The following CNTNAP5 variants were observed in gnomAD, a reference collection of about 807,000 sequenced individuals.
CNTNAP5 encodes the protein contactin associated protein family member 5, also known as contactin-associated protein-like 5.
In CNTNAP5, 72 loss-of-function variants were observed where a neutral mutation model predicts 150.2. The observed-to-expected ratio is 0.48, with a 90% CI of 0.40 to 0.58. The LOEUF (loss-of-function observed/expected upper bound fraction) is 0.58. CNTNAP5 is among the 20% of genes least tolerant of loss of function. The pLI, the probability that CNTNAP5 is intolerant of heterozygous loss-of-function variation, is 0.00. For missense variants in CNTNAP5, 1,636 were observed against 1,626.2 expected, an observed-to-expected ratio of 1.01 and a Z score of -0.10; for synonymous variants, 672 against 619.8, an observed-to-expected ratio of 1.08 and a Z score of -1.25.
intron 2 of CNTNAP5, among the ~76,000 whole-genome samples, chr2:124,235,249 A>T (rs1022107123): frequency 6.6e-6 from 1 of 152,140 alleles, no homozygotes; most frequent in Non-Finnish European, 1.5e-5. Flanking sequence ...CTCCCAGGCA[A>T]GAAGGCTTCT....
intron 6 of CNTNAP5, among the ~76,000 whole-genome samples, chr2:124,469,341 C>T (rs945988186): frequency 2.6e-5 from 4 of 152,058 alleles, no homozygotes; most frequent in African/African-American, 7.2e-5. Context: ...TTTTTACTAA[C>T]ATTTTCCTGC....
At chr2:124,855,167 C>CTTTTTTTTTT (rs70999224) in intron 19 of CNTNAP5, among the ~76,000 whole-genome samples, 1 of 71,478 alleles carries the variant, frequency 1.4e-5, no homozygotes, top group East Asian at 7.9e-4. Context: ...TGGGCTTTTG[C>CTTTTTTTTTT]TTTTTTTTTT....
chr2:124,607,086 G>A lies in CNTNAP5; in HGVS notation c.1757-2715G>A, dbSNP rs12328136. ...GGGAGGCTCTTTTTGAGTTACTGTA[G>A]TCTAATGAGACAATTTATACTTCGA... On this transcript the variant is annotated intron_variant, in intron 11 of 23. Coordinates refer to ENST00000682447, the MANE Select transcript of CNTNAP5 (RefSeq NM_001367498.1). Among the ~76,000 whole-genome samples, 205 of 152,208 alleles carry A rather than the reference G, an allele frequency of 1.3e-3. 1 individual carries two copies. The highest frequency in any genetic ancestry group is 4.8e-3 in the African/African-American group (201 of 41,534).
intron 5 of CNTNAP5, among the ~76,000 whole-genome samples, chr2:124,437,023 C>T (rs894969718): frequency 1.3e-5 from 2 of 152,136 alleles, no homozygotes; most frequent in Admixed American, 6.6e-5. Context: ...CTCATTACAG[C>T]TAGAAGATCT....
chr2:124,107,600 TTTAG>T, intron 1 of CNTNAP5, among the ~76,000 whole-genome samples: 1 of 152,328 alleles, frequency 6.6e-6, no homozygotes, highest in Non-Finnish European at 1.5e-5. Context: ...AAGTTATGCT[TTTAG>T]TTAATCAAAT....
At chr2:124,633,829 C>T (rs57375787) in intron 12 of CNTNAP5, among the ~76,000 whole-genome samples, 1,826 of 152,312 alleles carry the variant, frequency 0.012, 30 homozygotes, top group African/African-American at 0.041. Flanking sequence ...TCAGACTTAA[C>T]ACCACCTGGA....
At chr2:124,188,804 A>G (rs1252032930) in intron 1 of CNTNAP5, among the ~76,000 whole-genome samples, 2 of 151,630 alleles carry the variant, frequency 1.3e-5, no homozygotes, top group Non-Finnish European at 2.9e-5. Context: ...AGAATTAGAG[A>G]CGGAGGGTTA....
intron 1 of CNTNAP5, among the ~76,000 whole-genome samples, chr2:124,177,120 C>T (rs1353869413): frequency 6.6e-6 from 1 of 151,998 alleles, no homozygotes; most frequent in Admixed American, 6.6e-5. Context: ...ATTGATGGGA[C>T]TATAGGTGTG....
intron 21 of CNTNAP5, among the ~76,000 whole-genome samples, chr2:124,890,298 T>G (rs953574911): frequency 2.0e-5 from 3 of 152,116 alleles, no homozygotes; most frequent in African/African-American, 7.2e-5. Flanking sequence ...CAGGTTTTGC[T>G]TCCTCCTGGG....
chr2:124,285,656 A>C, intron 3 of CNTNAP5, among the ~76,000 whole-genome samples: 1 of 151,514 alleles, frequency 6.6e-6, no homozygotes, highest in East Asian at 1.9e-4. Context: ...AAAAAAAATT[A>C]GCCAGGTTTG....
intron 21 of CNTNAP5, among the ~76,000 whole-genome samples, chr2:124,900,546 T>A (rs1436057840): frequency 6.6e-6 from 1 of 151,492 alleles, no homozygotes; most frequent in Non-Finnish European, 1.5e-5. Flanking sequence ...ATTTAAAACA[T>A]CTCTTCATTC....
At chr2:124,816,951 A>T (rs1682377630) in intron 19 of CNTNAP5, among the ~76,000 whole-genome samples, 1 of 152,226 alleles carries the variant, frequency 6.6e-6, no homozygotes, top group South Asian at 2.1e-4. Context: ...GCAAGTCACA[A>T]GTCTCAACTA....
At chr2:124,551,181 C>T (rs1436165708) in intron 10 of CNTNAP5, among the ~76,000 whole-genome samples, 2 of 152,094 alleles carry the variant, frequency 1.3e-5, no homozygotes, top group Non-Finnish European at 2.9e-5. Context: ...ACGTGCATTG[C>T]AAACTCATTC....
chr2:124,058,721 A>G (rs1366880829), intron 1 of CNTNAP5, among the ~76,000 whole-genome samples: 1 of 152,184 alleles, frequency 6.6e-6, no homozygotes, highest in Non-Finnish European at 1.5e-5. Context: ...TGTTAATTGA[A>G]GAACTCTCTC....
At chr2:124,717,172 A>G (rs1679961587) in intron 13 of CNTNAP5, among the ~76,000 whole-genome samples, 1 of 152,132 alleles carries the variant, frequency 6.6e-6, no homozygotes, top group Non-Finnish European at 1.5e-5. Flanking sequence ...TTAGAATTGA[A>G]TTTGATTTGC....
chr2:124,714,727 T>G (rs1301615708), intron 13 of CNTNAP5, among the ~76,000 whole-genome samples: 1 of 151,502 alleles, frequency 6.6e-6, no homozygotes, highest in African/African-American at 2.4e-5. Flanking sequence ...ATAATAATAT[T>G]TATGGATATA....
chr2:124,755,959 T>C (rs1190187114), intron 14 of CNTNAP5, among the ~76,000 whole-genome samples: 1 of 152,220 alleles, frequency 6.6e-6, no homozygotes, highest in African/African-American at 2.4e-5. Flanking sequence ...TCTGAGCTTC[T>C]GGTTTCTAAT....
At chr2:124,786,348 AAAGG>A (rs1359459463) in intron 17 of CNTNAP5, among the ~76,000 whole-genome samples, 1,532 of 102,978 alleles carry the variant, frequency 0.015, 23 homozygotes, top group East Asian at 0.032. Context: ...AGAAAGAAAG[AAAGG>A]AAGAAAGAAA....
At chr2:124,747,817 T>C (rs1680641873) in intron 14 of CNTNAP5, among the ~76,000 whole-genome samples, 1 of 114,878 alleles carries the variant, frequency 8.7e-6, no homozygotes, top group African/African-American at 3.0e-5. Context: ...TTTTTTTTTT[T>C]AGTTGAGACA....
Sources: allele counts gnomAD v4.1 joint callset (sites outside exome capture counted in the v4.1 genomes callset), GRCh38; gene constraint gnomAD v4.1.1; transcripts MANE v1.5; gene names NCBI Gene and HGNC (gene_info 2026-07-23, HGNC 2026-07-21).